The following LRRC8B variants were observed in gnomAD, a reference collection of about 807,000 sequenced individuals.
The protein encoded by LRRC8B is volume-regulated anion channel subunit LRRC8B.
LRRC8B carries 23 observed loss-of-function variants against 58.8 expected under a neutral mutation model. That is an observed-to-expected ratio of 0.39 (90% CI 0.28 to 0.55). The LOEUF is 0.55. LRRC8B is among the 20% of genes least tolerant of loss of function. LRRC8B has a pLI of 0.62. For missense variants in LRRC8B, 694 were observed against 936.0 expected (o/e 0.74, Z 3.37); for synonymous variants, 359 against 374.1 (o/e 0.96, Z 0.47).
intron 1 of LRRC8B, among the ~76,000 whole-genome samples, chr1:89,552,503 T>C (rs1651897439): frequency 6.6e-6 from 1 of 152,160 alleles, no homozygotes. Flanking sequence ...ACTGAGTCAG[T>C]TAAAAGCAGA....
intron 1 of LRRC8B, among the ~76,000 whole-genome samples, chr1:89,553,927 T>C (rs1328851504): frequency 6.6e-6 from 1 of 152,178 alleles, no homozygotes; most frequent in Non-Finnish European, 1.5e-5. Context: ...TTTTCTGTCA[T>C]TCCCTTGCTC....
At chr1:89,592,684 T>TTG in intron 5 of LRRC8B, 87 bp from the exon 6 acceptor site, 2 of 676,160 alleles carry the variant, frequency 3.0e-6, no homozygotes, top group Non-Finnish European at 2.1e-6. Flanking sequence ...AAATGTTTTG[T>TTG]TTTTTTTTTT....
intron 1 of LRRC8B, among the ~76,000 whole-genome samples, chr1:89,531,259 G>T (rs1486229058): frequency 6.6e-6 from 1 of 152,158 alleles, no homozygotes; most frequent in Non-Finnish European, 1.5e-5. Flanking sequence ...CTGAAGGTTT[G>T]ATAATTTGAG....
intron 3 of LRRC8B, among the ~76,000 whole-genome samples, chr1:89,569,776 T>TG (rs1040378894): frequency 1.3e-5 from 2 of 152,136 alleles, no homozygotes; most frequent in African/African-American, 2.4e-5. Context: ...ATTTGTGTCA[T>TG]GGGGGTTTGT....
At position 89,593,975 on chromosome 1, in the gene LRRC8B, C is replaced by A. The variant is rs1655157847; in HGVS notation, c.*932C>A. ...GAAAATGCCTGCATTTGGCCTTTGC[C>A]TAGAACAGGAGCTGAGTATTTAAGA... On this transcript the variant is annotated 3_prime_UTR_variant, in exon 6 of 6. Coordinates refer to ENST00000330947, the MANE Select transcript of LRRC8B (RefSeq NM_001369817.2). The A allele has an allele frequency of 6.6e-6, 1 of 152,182 alleles. No homozygotes were observed. Among genetic ancestry groups the A allele is most frequent in the Non-Finnish European group, 1.5e-5 (1 of 68,036 alleles). 9.4% of individuals were successfully genotyped at this position (152,182 alleles called of 1,614,324 possible). A position where few individuals can be genotyped will look rare whatever the true frequency, so the allele number is the denominator to read the frequency against.
At chr1:89,530,716 T>G (rs1650060314) in intron 1 of LRRC8B, among the ~76,000 whole-genome samples, 1 of 152,036 alleles carries the variant, frequency 6.6e-6, no homozygotes, top group Non-Finnish European at 1.5e-5. Flanking sequence ...TTTCAGAGGG[T>G]TGGGTGACTG....
chr1:89,544,289 G>A (rs1019813907), intron 1 of LRRC8B, among the ~76,000 whole-genome samples: 8 of 152,020 alleles, frequency 5.3e-5, no homozygotes, highest in African/African-American at 1.2e-4. Flanking sequence ...TGGTAAAGTC[G>A]TAGTAAAAAA....
chr1:89,560,487 T>C (rs2100958551), intron 1 of LRRC8B, among the ~76,000 whole-genome samples: 1 of 151,808 alleles, frequency 6.6e-6, no homozygotes, highest in East Asian at 1.9e-4. Flanking sequence ...CTGCACCCAC[T>C]AACTCGTCAT....
At chr1:89,578,633 A>T (rs967590122) in intron 3 of LRRC8B, among the ~76,000 whole-genome samples, 36 of 152,240 alleles carry the variant, frequency 2.4e-4, no homozygotes, top group African/African-American at 8.4e-4. Flanking sequence ...TGACAAGCTT[A>T]AAAGATTATT....
In LRRC8B at chr1:89,592,956, G is replaced by T; in HGVS notation, c.2325G>T (p.Arg775=). Residue 775 remains arginine (R), a synonymous_variant, in exon 6 of 6, where the codon CGG becomes CGT. Coordinates refer to ENST00000330947, the MANE Select transcript of LRRC8B (RefSeq NM_001369817.2). The part of the protein sequence containing the change: ...PELEGCQSLK[R]NCLIVEENLL... ...TAGAAGGATGTCAGTCCCTAAAACG[G>T]AACTGTCTGATTGTTGAGGAGAACT... is the stretch of plus-strand genomic sequence containing the variant. 6.2e-7 allele frequency: 1 copy of T among 1,614,108 alleles called. No homozygotes were observed. The highest frequency in any genetic ancestry group is 8.5e-7 in the Non-Finnish European group (1 of 1,180,004).
chr1:89,550,873 G>A (rs1651753632), intron 1 of LRRC8B, among the ~76,000 whole-genome samples: 1 of 151,964 alleles, frequency 6.6e-6, no homozygotes. Flanking sequence ...CATTTCCCCC[G>A]GCCCCCGATC....
At chr1:89,568,104 C>T (rs1653174224) in intron 1 of LRRC8B, 143 bp from the exon 2 acceptor site, 1 of 152,158 alleles carries the variant, frequency 6.6e-6, no homozygotes, top group African/African-American at 2.4e-5. Flanking sequence ...TTCCGTCTTA[C>T]ATTTGTAAAA....
intron 5 of LRRC8B, among the ~76,000 whole-genome samples, chr1:89,592,079 A>G (rs1655015417): frequency 6.6e-6 from 1 of 152,218 alleles, no homozygotes; most frequent in Non-Finnish European, 1.5e-5. Flanking sequence ...CATATAGGGC[A>G]GCAGTCAACG....
chr1:89,540,082 T>C (rs1441369403), intron 1 of LRRC8B, among the ~76,000 whole-genome samples: 3 of 152,332 alleles, frequency 2.0e-5, no homozygotes, highest in African/African-American at 7.2e-5. Flanking sequence ...TCTGGATATC[T>C]TTAATCAATT....
rs61714771 is a variant in LRRC8B at position 89,541,710 on chromosome 1, C to CAAAAAAAAAA, written c.-241+16718_-241+16727dup. Reference sequence around the variant, plus strand: ...TGGGCGACAGAGGGAGACTCCGTCTCAAAAAAAAAAAAAAAAAAAAAAAAA... The same window carrying CAAAAAAAAAA: ...TGGGCGACAGAGGGAGACTCCGTCTCAAAAAAAAAAAAAAAAAAAAAAAAAAAAAAAAAAA... On this transcript the variant is annotated intron_variant, in intron 1 of 5. Transcript: ENST00000330947. Among the ~76,000 whole-genome samples, 19 of 42,232 alleles carry CAAAAAAAAAA rather than the reference C, an allele frequency of 4.5e-4. 2 individuals carry two copies. The highest frequency in any genetic ancestry group is 1.5e-3 in the African/African-American group (14 of 9,222). The allele number at this position is 42,232 out of a possible 152,430, so 27.7% of individuals were successfully genotyped here. A position where few individuals can be genotyped will look rare whatever the true frequency, so the allele number is the denominator to read the frequency against.
chr1:89,534,781 AAGATATCT>A (rs1372328462), intron 1 of LRRC8B, among the ~76,000 whole-genome samples: 1 of 152,164 alleles, frequency 6.6e-6, no homozygotes, highest in Non-Finnish European at 1.5e-5. Flanking sequence ...TATATGCCCA[AAGATATCT>A]AGTGATTTAT....
intron 1 of LRRC8B, among the ~76,000 whole-genome samples, chr1:89,531,030 G>A (rs561964966): frequency 6.6e-6 from 1 of 152,252 alleles, no homozygotes; most frequent in South Asian, 2.1e-4. Context: ...GAGCCTTGGG[G>A]GTTGAGCCAT....
At position 89,595,894 on chromosome 1, in the gene LRRC8B, A is replaced by G. The variant is rs554102953; in HGVS notation, c.*2851A>G. 1 of 152,298 alleles carries G rather than the reference A, an allele frequency of 6.6e-6. No homozygotes were observed. The highest frequency in any genetic ancestry group is 2.1e-4 in the South Asian group (1 of 4,834). The allele number at this position is 152,298 out of a possible 1,614,324, so 9.4% of individuals were successfully genotyped here. ...GAGACTTTCGTTGGCATTTGATTTC[A>G]AGAATACATATGCATTTTCCAAAAA... On this transcript the variant is annotated 3_prime_UTR_variant, in exon 6 of 6. Coordinates refer to ENST00000330947, the MANE Select transcript of LRRC8B (RefSeq NM_001369817.2).
chr1:89,537,032 A>G (rs977172870), intron 1 of LRRC8B, among the ~76,000 whole-genome samples: 1 of 152,208 alleles, frequency 6.6e-6, no homozygotes, highest in Non-Finnish European at 1.5e-5. Flanking sequence ...GTAAGATACT[A>G]AGATTGAGAA....
Sources: gnomAD v4.1 joint callset for allele counts (sites outside exome capture counted in the v4.1 genomes callset) on GRCh38, gnomAD v4.1.1 for gene constraint, MANE v1.5 for transcripts, NCBI Gene and HGNC (gene_info 2026-07-23, HGNC 2026-07-21) for gene names.